Variants in OTUD7A observed in about 807,000 individuals in gnomAD.
The protein encoded by OTUD7A is OTU deubiquitinase 7A.
A neutral mutation model predicts 65.7 loss-of-function variants in OTUD7A; 12 were observed. That is an observed-to-expected ratio of 0.18 (90% CI 0.12 to 0.30). The LOEUF is 0.30. Ranked by LOEUF, OTUD7A falls within the 10% of genes least tolerant of loss-of-function variation. OTUD7A has a pLI of 1.00. For missense variants in OTUD7A, 1,148 were observed against 1,304.8 expected, an observed-to-expected ratio of 0.88 and a Z score of 1.85; for synonymous variants, 641 against 586.3, an observed-to-expected ratio of 1.09 and a Z score of -1.35.
chr15:31,821,810 T>C (rs1301821968), intron 1 of OTUD7A, among the ~76,000 whole-genome samples: 3 of 152,348 alleles, frequency 2.0e-5, no homozygotes, highest in Non-Finnish European at 4.4e-5. Flanking sequence ...CACATCCTAG[T>C]GGATGTAAAG....
intron 8 of OTUD7A, among the ~76,000 whole-genome samples, chr15:31,513,550 T>C (rs1050527502): frequency 2.0e-5 from 3 of 152,262 alleles, no homozygotes; most frequent in Non-Finnish European, 2.9e-5. Flanking sequence ...TTGACTTCCA[T>C]GACCTTGACA....
intron 3 of OTUD7A, among the ~76,000 whole-genome samples, chr15:31,610,363 T>A (rs1386996015): frequency 3.3e-5 from 5 of 151,916 alleles, no homozygotes; most frequent in African/African-American, 9.7e-5. Flanking sequence ...AGTGGGGAAC[T>A]TTAATACTCC....
chr15:31,551,588 G>C (rs1337024944), intron 5 of OTUD7A, among the ~76,000 whole-genome samples: 1 of 152,176 alleles, frequency 6.6e-6, no homozygotes, highest in Non-Finnish European at 1.5e-5. Flanking sequence ...TTCAGCTTTG[G>C]AGCAGGTGGT....
In OTUD7A at chr15:31,723,456, C is replaced by A. The variant is rs565458478; in HGVS notation, c.-99-66379G>T. 3.4e-3 allele frequency among the ~76,000 whole-genome samples: 491 copies of A among 145,120 alleles called. 3 individuals carry two copies. The highest frequency in any genetic ancestry group is 0.012 in the African/African-American group (458 of 39,194). On this transcript the variant is annotated intron_variant, in intron 1 of 12. Transcript: ENST00000307050. ...TGGCCACTTCATCTCGGAGGCCAGC[C>A]TTGCCGAGAGAAAGAAACGCAAGTC...
intron 8 of OTUD7A, among the ~76,000 whole-genome samples, chr15:31,518,948 CG>C (rs896919424): frequency 2.4e-4 from 37 of 152,346 alleles, no homozygotes; most frequent in Admixed American, 4.6e-4. Context: ...GATGGAAGGA[CG>C]GGGGCCTCCC....
chr15:31,802,314 T>C (rs1235027468), intron 1 of OTUD7A, among the ~76,000 whole-genome samples: 1 of 152,126 alleles, frequency 6.6e-6, no homozygotes, highest in African/African-American at 2.4e-5. Context: ...GGGAGAAAGA[T>C]GTAGGCTGGG....
chr15:31,714,911 G>C (rs532041942), intron 1 of OTUD7A, among the ~76,000 whole-genome samples: 2 of 151,932 alleles, frequency 1.3e-5, no homozygotes, highest in Admixed American at 6.6e-5. Context: ...CGAGGCAGGC[G>C]GATCACCTGA....
At chr15:31,804,192 A>G (rs1424622474) in intron 1 of OTUD7A, among the ~76,000 whole-genome samples, 5 of 152,204 alleles carry the variant, frequency 3.3e-5, no homozygotes, top group African/African-American at 1.2e-4. Flanking sequence ...AATTGCACAA[A>G]CATAATTTCA....
chr15:31,503,593 C>A (rs759456623), intron 9 of OTUD7A, 98 bp downstream of exon 9: 13 of 1,485,288 alleles, frequency 8.8e-6, no homozygotes, highest in Non-Finnish European at 1.2e-5. Context: ...TGCTTTGTGG[C>A]CTCTGGGAGC....
intron 3 of OTUD7A, among the ~76,000 whole-genome samples, chr15:31,646,352 C>T (rs183435048): frequency 4.6e-5 from 7 of 152,274 alleles, no homozygotes; most frequent in East Asian, 1.9e-4. Flanking sequence ...CCAAGAAAGA[C>T]GCTGGGATGA....
Position 31,771,025 on chromosome 15 carries a change from T to C in OTUD7A, c.-100+99482A>G, listed in dbSNP as rs73378678. Among the ~76,000 whole-genome samples the C allele has an allele frequency of 6.9e-3, 1,046 of 152,340 alleles. 15 individuals carry two copies. Among genetic ancestry groups the C allele is most frequent in the African/African-American group, 0.024 (991 of 41,566 alleles). ...AAGGATTCCCTGCGCTTGCCCCTCA[T>C]GGTCCACATTGTACCAGAGGCTCTG... On this transcript the variant is annotated intron_variant, in intron 1 of 12. Coordinates refer to ENST00000307050, the MANE Select transcript of OTUD7A (RefSeq NM_001382637.1).
intron 3 of OTUD7A, among the ~76,000 whole-genome samples, chr15:31,587,752 C>T (rs1889591757): frequency 6.6e-6 from 1 of 152,132 alleles, no homozygotes; most frequent in South Asian, 2.1e-4. Context: ...GCCTCCAGGC[C>T]CTTGGCAATC....
rs116745644 is a variant in OTUD7A at position 31,592,341 on chromosome 15, T to A, written c.152-22144A>T. Among the ~76,000 whole-genome samples, 937 of 152,190 alleles carry A rather than the reference T, an allele frequency of 6.2e-3. 10 individuals carry two copies. Among genetic ancestry groups the A allele is most frequent in the African/African-American group, 0.02 (846 of 41,504 alleles). On this transcript the variant is annotated intron_variant, in intron 3 of 12. Transcript: ENST00000307050. ...AAACATATGTACAACAGCACAAAAA[T>A]ATTTTCTTTCTTTATATCCTTATTC...
chr15:31,808,136 C>CACACACACACACACACACACAAA (rs772574742), intron 1 of OTUD7A, among the ~76,000 whole-genome samples: 9 of 119,418 alleles, frequency 7.5e-5, no homozygotes, highest in Non-Finnish European at 1.3e-4. Flanking sequence ...CACACACACA[C>CACACACACACACACACACACAAA]AAACAAATCC....
intron 1 of OTUD7A, among the ~76,000 whole-genome samples, chr15:31,812,444 G>A (rs906058229): frequency 1.3e-5 from 2 of 152,190 alleles, no homozygotes; most frequent in East Asian, 3.9e-4. Flanking sequence ...CTTGCTGGAG[G>A]AGAGAAGAAA....
chr15:31,610,609 A>T lies in OTUD7A; in HGVS notation c.152-40412T>A, dbSNP rs1390469814. Among the ~76,000 whole-genome samples, 321 of 39,598 alleles carry T rather than the reference A, an allele frequency of 8.1e-3. 4 individuals carry two copies. The highest frequency in any genetic ancestry group is 0.019 in the Middle Eastern group (2 of 104). 26.0% of individuals were successfully genotyped at this position (39,598 alleles called of 152,430 possible). A position where few individuals can be genotyped will look rare whatever the true frequency, so the allele number is the denominator to read the frequency against. On this transcript the variant is annotated intron_variant, in intron 3 of 12. Coordinates refer to ENST00000307050, the MANE Select transcript of OTUD7A (RefSeq NM_001382637.1). ...AAAATGAAATTATATATATATATAT[A>T]TATATATATTTTTTTTTTTTTTTTT...
chr15:31,598,227 G>C (rs1889964783), intron 3 of OTUD7A, among the ~76,000 whole-genome samples: 1 of 152,202 alleles, frequency 6.6e-6, no homozygotes, highest in Non-Finnish European at 1.5e-5. Flanking sequence ...GGTTGAATAA[G>C]AACAACTCCA....
chr15:31,792,652 ACAG>A (rs1368844078), intron 1 of OTUD7A, among the ~76,000 whole-genome samples: 1 of 152,026 alleles, frequency 6.6e-6, no homozygotes, highest in Non-Finnish European at 1.5e-5. Context: ...TCTCTCTCTC[ACAG>A]CAGACTGTTT....
At chr15:31,846,715 TATA>T (rs1286157447) in intron 1 of OTUD7A, among the ~76,000 whole-genome samples, 2 of 152,180 alleles carry the variant, frequency 1.3e-5, no homozygotes, top group East Asian at 3.9e-4. Flanking sequence ...GAAGAATATT[TATA>T]ACACGGAAAA....
Sources: gnomAD v4.1 joint callset for allele counts (sites outside exome capture counted in the v4.1 genomes callset) on GRCh38, gnomAD v4.1.1 for gene constraint, MANE v1.5 for transcripts, NCBI Gene and HGNC (gene_info 2026-07-23, HGNC 2026-07-21) for gene names.